The following ADD1 variants were observed in gnomAD, a reference collection of about 807,000 sequenced individuals.
ADD1 encodes the protein adducin 1.
In ADD1, 24 loss-of-function variants were observed where a neutral mutation model predicts 80.5. The observed-to-expected ratio is 0.30, with a 90% CI of 0.22 to 0.42. The LOEUF is 0.42. Ranked by LOEUF, ADD1 falls within the 10% of genes least tolerant of loss-of-function variation. The pLI is 1.00. For missense variants in ADD1, 948 were observed against 1,019.0 expected, an observed-to-expected ratio of 0.93 and a Z score of 0.95; for synonymous variants, 373 against 393.8, an observed-to-expected ratio of 0.95 and a Z score of 0.63.
chr4:2,907,602 C>G, intron 10 of ADD1, 141 bp from the exon 11 acceptor site: 1 of 729,786 alleles, frequency 1.4e-6, no homozygotes, highest in Non-Finnish European at 2.4e-6. Context: ...GCTGAGTGAC[C>G]CAGATTAGAT....
At position 2,895,853 on chromosome 4, in the gene ADD1, G is replaced by T. The variant is rs368876927; in HGVS notation, c.741+1122G>T. The stretch of plus-strand genomic sequence containing the variant: ...TATATAAGGACTTTTGGGGTTTATT[G>T]TACAACAGATGACCTTATTGATTCA... On this transcript the variant is annotated intron_variant, in intron 6 of 15. Transcript: ENST00000683351. Among the ~76,000 whole-genome samples the T allele has an allele frequency of 4.6e-5, 7 of 151,512 alleles. No homozygotes were observed. In the East Asian group the frequency reaches 1.3e-3, roughly 29 times the overall value.
At chr4:2,874,630 C>T (rs1730979418) in intron 1 of ADD1, among the ~76,000 whole-genome samples, 1 of 150,830 alleles carries the variant, frequency 6.6e-6, no homozygotes, top group South Asian at 2.1e-4. Flanking sequence ...GAAAGAAATA[C>T]TGCCACTTTA....
At chr4:2,883,335 A>G (rs575056147) in intron 3 of ADD1, among the ~76,000 whole-genome samples, 3 of 147,918 alleles carry the variant, frequency 2.0e-5, no homozygotes, top group African/African-American at 7.5e-5. Flanking sequence ...TTTTTTTAGT[A>G]TTATTTGAAT....
chr4:2,928,301 C>G lies in ADD1; in HGVS notation c.2178C>G (p.Ala726=). The change falls in exon 16 of 16, where the codon GCC becomes GCG. Residue 726 remains alanine (A), a synonymous_variant. Transcript: ENST00000683351. The part of the protein sequence containing the change: ...GFPMLEKEEE[A]HRPPSPTEAP... ...CAATGTTAGAGAAGGAGGAGGAAGC[C>G]CATAGACCCCCAAGCCCCACTGAGG... is the stretch of plus-strand genomic sequence containing the variant. 1 of 1,614,014 alleles carries G rather than the reference C, an allele frequency of 6.2e-7. No individual in the cohort carries two copies. The highest frequency in any genetic ancestry group is 8.5e-7 in the Non-Finnish European group (1 of 1,180,020).
chr4:2,913,550 G>C lies in ADD1; in HGVS notation c.1792-1334G>C, dbSNP rs948821758. Among the ~76,000 whole-genome samples, 3 of 152,200 alleles carry C rather than the reference G, an allele frequency of 2.0e-5. No homozygotes were observed. The South Asian group carries it at 6.2e-4, about 31-fold the overall frequency. ...ACTTGTTGACTGTCGAGAGTCTCCAGGCTCCCGGGCAAAGGTTGCCTGTTC... is the reference window on the plus strand; with the variant it reads ...ACTTGTTGACTGTCGAGAGTCTCCACGCTCCCGGGCAAAGGTTGCCTGTTC... On this transcript the variant is annotated intron_variant, in intron 13 of 15. Coordinates refer to ENST00000683351, the MANE Select transcript of ADD1 (RefSeq NM_001354761.2).
At position 2,907,737 on chromosome 4, in the gene ADD1, T is replaced by C. The variant is rs1157156236; in HGVS notation, c.1507-6T>C. On this transcript the variant is annotated splice_region_variant and splice_polypyrimidine_tract_variant and intron_variant, in intron 10 of 15. Coordinates refer to ENST00000683351, the MANE Select transcript of ADD1 (RefSeq NM_001354761.2). ...TCTGACTTTTCAACTGTTCTTGATA[T>C]TACAGTGGACTAAAGAGGATGGACA... 2 of 1,609,940 alleles carry C rather than the reference T, an allele frequency of 1.2e-6. No individual in the cohort carries two copies. The highest frequency in any genetic ancestry group is 1.7e-4 in the Middle Eastern group (1 of 5,928).
chr4:2,918,312 CTT>C (rs994939915), intron 14 of ADD1, among the ~76,000 whole-genome samples: 1 of 152,104 alleles, frequency 6.6e-6, no homozygotes, highest in African/African-American at 2.4e-5. Flanking sequence ...TGATTTGACT[CTT>C]TGTCAATTAT....
intron 1 of ADD1, among the ~76,000 whole-genome samples, chr4:2,845,592 A>G (rs944825733): frequency 3.3e-5 from 5 of 152,198 alleles, no homozygotes; most frequent in African/African-American, 1.2e-4. Context: ...ATGTGAGTCT[A>G]AACTCTAGCC....
intron 9 of ADD1, chr4:2,902,716 C>G (rs1736389614): frequency 6.7e-6 from 1 of 150,232 alleles, no homozygotes; most frequent in Non-Finnish European, 1.5e-5. Context: ...GGTGACAGAG[C>G]AAGACTCCAT....
intron 4 of ADD1, 22 bp downstream of exon 4, chr4:2,884,688 A>G (rs777585727): frequency 1.9e-6 from 3 of 1,560,108 alleles, no homozygotes; most frequent in Non-Finnish European, 2.6e-6. Context: ...ATGGGCTAGT[A>G]ACTGAACGAT....
At chr4:2,907,976 A>T in intron 11 of ADD1, 132 bp downstream of exon 11, 1 of 709,760 alleles carries the variant, frequency 1.4e-6, no homozygotes, top group Non-Finnish European at 2.5e-6. Flanking sequence ...CAGTGAAGCC[A>T]TCTCTTCACA....
At chr4:2,859,253 G>A (rs974597387) in intron 1 of ADD1, among the ~76,000 whole-genome samples, 6 of 152,178 alleles carry the variant, frequency 3.9e-5, no homozygotes, top group Non-Finnish European at 8.8e-5. Context: ...GCCTGGGAAG[G>A]AATGATAACT....
At chr4:2,884,738 TAGG>T in intron 4 of ADD1, 72 bp downstream of exon 4, 1 of 1,459,938 alleles carries the variant, frequency 6.8e-7, no homozygotes, top group Non-Finnish European at 9.2e-7. Flanking sequence ...TCTTTCCATT[TAGG>T]AGAAGAGGGA....
At position 2,926,208 on chromosome 4, in the gene ADD1, G is replaced by T; in HGVS notation, c.2047+96G>T. ...GCGGGAGTCGTGTTAACAGCAACAC[G>T]GAAGTGTGTGCTTGCATCAGCGCCA... On this transcript the variant is annotated intron_variant, in intron 15 of 15. Transcript: ENST00000683351. The surrounding 1 kb of genome is among the most constrained non-coding windows in gnomAD (Gnocchi z 5.0). 1 of 1,067,038 alleles carries T rather than the reference G, an allele frequency of 9.4e-7. No individual in the cohort carries two copies. The highest frequency in any genetic ancestry group is 1.4e-6 in the Non-Finnish European group (1 of 692,988). The allele number at this position is 1,067,038 out of a possible 1,614,324, so 66.1% of individuals were successfully genotyped here. A position where few individuals can be genotyped will look rare whatever the true frequency, so the allele number is the denominator to read the frequency against.
At chr4:2,859,193 T>C (rs1227783468) in intron 1 of ADD1, among the ~76,000 whole-genome samples, 1 of 152,238 alleles carries the variant, frequency 6.6e-6, no homozygotes, top group Non-Finnish European at 1.5e-5. Flanking sequence ...ATAAAATGTT[T>C]ATCAGAGATA....
At chr4:2,899,547 A>G (rs745972123) in intron 9 of ADD1, 112 bp downstream of exon 9, 16 of 1,180,060 alleles carry the variant, frequency 1.4e-5, no homozygotes, top group Middle Eastern at 1.9e-4. Context: ...GAATACCTTC[A>G]CCTTCAAAGT....
rs950922642 is a variant in ADD1, at chr4:2,929,823, C to G, written c.*1300C>G. 2.6e-4 allele frequency: 40 copies of G among 152,718 alleles called. No individual in the cohort carries two copies. Among genetic ancestry groups the G allele is most frequent in the African/African-American group, 9.1e-4 (38 of 41,598 alleles). 9.5% of individuals were successfully genotyped at this position (152,718 alleles called of 1,614,324 possible). A position where few individuals can be genotyped will look rare whatever the true frequency, so the allele number is the denominator to read the frequency against. On this transcript the variant is annotated 3_prime_UTR_variant, in exon 16 of 16. Coordinates refer to ENST00000683351, the MANE Select transcript of ADD1 (RefSeq NM_001354761.2). ...TGCTACGCGGGCAAGCGTGCTGCCT[C>G]TCTTCTGTGTCGTTTTGTTGCCAAG...
At chr4:2,876,214 A>G (rs755816862) in intron 2 of ADD1, 104 bp downstream of exon 2, 2 of 1,144,732 alleles carry the variant, frequency 1.7e-6, no homozygotes, top group East Asian at 2.5e-5. Context: ...TGATCTTATC[A>G]CAGGAAATCA....
Position 2,899,306 on chromosome 4 carries a change from G to T in ADD1, c.1032G>T (p.Leu344=), listed in dbSNP as rs1016669023. ...GAGGACCAGACAACTTAGTCCTGCT[G>T]AATCCTGAGAAGTACAAAGCCAAGT... ...SAGGPDNLVL[L]NPEKYKAKSR... is the part of the protein sequence containing the mutation. Residue 344 remains leucine, a synonymous_variant, in exon 9 of 16, where the codon CTG becomes CTT. Coordinates refer to ENST00000683351, the MANE Select transcript of ADD1 (RefSeq NM_001354761.2). 2 of 1,614,180 alleles carry T rather than the reference G, an allele frequency of 1.2e-6. No homozygotes were observed. Among genetic ancestry groups the T allele is most frequent in the African/African-American group, 1.3e-5 (1 of 75,048 alleles).
Sources: allele counts gnomAD v4.1 joint callset (sites outside exome capture counted in the v4.1 genomes callset), GRCh38; gene constraint gnomAD v4.1.1; non-coding constraint Gnocchi (gnomAD v3.1); transcripts MANE v1.5; gene names NCBI Gene and HGNC (gene_info 2026-07-23, HGNC 2026-07-21).